Variants in TXNRD1 observed in about 807,000 individuals in gnomAD.
TXNRD1 encodes the protein thioredoxin reductase 1, also known as thioredoxin reductase 1, cytoplasmic.
A neutral mutation model predicts 80.3 loss-of-function variants in TXNRD1; 57 were observed. The ratio of observed to expected loss-of-function variants is 0.71; its 90% CI spans 0.57 to 0.89. The LOEUF is 0.89. Ranked by LOEUF, TXNRD1 falls within the 40% of genes least tolerant of loss-of-function variation. The pLI, the probability that TXNRD1 is intolerant of heterozygous loss-of-function variation, is 0.00. For synonymous variants in TXNRD1, 291 were observed against 285.2 expected (o/e 1.02, Z -0.20); for missense variants, 730 against 803.0 (o/e 0.91, Z 1.10).
At chr12:104,263,666 T>C (rs924163784) in intron 3 of TXNRD1, among the ~76,000 whole-genome samples, 4 of 152,328 alleles carry the variant, frequency 2.6e-5, no homozygotes, top group East Asian at 1.9e-4. Flanking sequence ...GCTGACATTC[T>C]ATAGCTATAA....
intron 9 of TXNRD1, among the ~76,000 whole-genome samples, chr12:104,320,573 C>G (rs1329756335): frequency 6.6e-6 from 1 of 152,082 alleles, no homozygotes; most frequent in Non-Finnish European, 1.5e-5. Flanking sequence ...ATCTCTGTGT[C>G]CCTAGCTCAA....
intron 4 of TXNRD1, among the ~76,000 whole-genome samples, chr12:104,292,241 A>G (rs2034245629): frequency 6.6e-6 from 1 of 152,184 alleles, no homozygotes; most frequent in East Asian, 1.9e-4. Context: ...AAAGGATGAA[A>G]GCTTTGCAGA....
chr12:104,252,660 T>TATATATATATATATATATATATATA (rs1182730147), intron 2 of TXNRD1, among the ~76,000 whole-genome samples: 1 of 53,206 alleles, frequency 1.9e-5, no homozygotes, highest in African/African-American at 1.1e-4. Flanking sequence ...ATTTATTATT[T>TATATATATATATATATATATATATA]TTTATATATA....
At chr12:104,250,209 CAAA>C (rs2033090076) in intron 1 of TXNRD1, among the ~76,000 whole-genome samples, 1 of 151,922 alleles carries the variant, frequency 6.6e-6, no homozygotes, top group African/African-American at 2.4e-5. Context: ...TATCCACATG[CAAA>C]AGAAGAAAGT....
chr12:104,274,802 A>G (rs755332232), intron 3 of TXNRD1, among the ~76,000 whole-genome samples: 1 of 152,134 alleles, frequency 6.6e-6, no homozygotes, highest in Non-Finnish European at 1.5e-5. Flanking sequence ...TTAGTATGTA[A>G]CTCCTTGGCT....
chr12:104,343,145 A>G (rs1380448373), intron 16 of TXNRD1, among the ~76,000 whole-genome samples: 1 of 152,120 alleles, frequency 6.6e-6, no homozygotes, highest in East Asian at 1.9e-4. Context: ...CCTGTTGACT[A>G]ACTTAGTCGT....
intron 1 of TXNRD1, among the ~76,000 whole-genome samples, chr12:104,221,620 C>T (rs1327614869): frequency 6.6e-6 from 1 of 152,174 alleles, no homozygotes; most frequent in African/African-American, 2.4e-5. Context: ...TCCCGGCCAC[C>T]TGTTGGTTTT....
intron 1 of TXNRD1, among the ~76,000 whole-genome samples, chr12:104,228,624 T>G (rs2032531693): frequency 1.3e-5 from 2 of 152,106 alleles, no homozygotes; most frequent in Admixed American, 1.3e-4. Context: ...AGAGTGAAAC[T>G]CTCTCTCAAA....
At chr12:104,332,454 A>G (rs1311369445) in intron 14 of TXNRD1, among the ~76,000 whole-genome samples, 1 of 152,144 alleles carries the variant, frequency 6.6e-6, no homozygotes, top group Non-Finnish European at 1.5e-5. Context: ...TTCTGATTAT[A>G]AGAATAGTAT....
chr12:104,240,009 G>A (rs770669334), intron 1 of TXNRD1, among the ~76,000 whole-genome samples: 5 of 151,986 alleles, frequency 3.3e-5, no homozygotes, highest in Non-Finnish European at 4.4e-5. Context: ...GAAGAATTTT[G>A]CATCTTTGTT....
At chr12:104,335,697 C>T (rs1490620333) in intron 15 of TXNRD1, among the ~76,000 whole-genome samples, 2 of 152,094 alleles carry the variant, frequency 1.3e-5, no homozygotes, top group African/African-American at 2.4e-5. Context: ...ATCTTTTTAA[C>T]TTAGCTAACA....
chr12:104,242,602 A>C (rs986515079), intron 1 of TXNRD1, among the ~76,000 whole-genome samples: 2 of 152,114 alleles, frequency 1.3e-5, no homozygotes, highest in Non-Finnish European at 2.9e-5. Context: ...TATCTTATTA[A>C]CAGCATCAAT....
At chr12:104,336,944 T>G (rs2036159792) in intron 15 of TXNRD1, among the ~76,000 whole-genome samples, 1 of 148,234 alleles carries the variant, frequency 6.7e-6, no homozygotes, top group Non-Finnish European at 1.5e-5. Flanking sequence ...AACTATTATC[T>G]TATGCCTATG....
chr12:104,312,472 T>C (rs12321821), intron 5 of TXNRD1, among the ~76,000 whole-genome samples: 3,013 of 152,332 alleles, frequency 0.02, 108 homozygotes, highest in African/African-American at 0.068. Context: ...CAGACCAGTA[T>C]GTAGCATGAA....
intron 10 of TXNRD1, among the ~76,000 whole-genome samples, chr12:104,323,504 G>A (rs1326773475): frequency 6.9e-6 from 1 of 145,116 alleles, no homozygotes; most frequent in African/African-American, 2.6e-5. Context: ...CTCACCTCCC[G>A]GACGGGGCGG....
chr12:104,240,566 C>A (rs1440700969), intron 1 of TXNRD1, among the ~76,000 whole-genome samples: 2 of 152,008 alleles, frequency 1.3e-5, no homozygotes, highest in African/African-American at 4.8e-5. Context: ...GGCAAGAGAA[C>A]TTTTTAGCTT....
chr12:104,332,192 G>C (rs1412397478), intron 14 of TXNRD1, among the ~76,000 whole-genome samples: 1 of 152,008 alleles, frequency 6.6e-6, no homozygotes, highest in African/African-American at 2.4e-5. Flanking sequence ...TTTTATCATG[G>C]AGTCAAAGAA....
In TXNRD1 at chr12:104,327,572, C is replaced by T. The variant is rs1441887095; in HGVS notation, c.1443C>T (p.Ala481=). The change falls in exon 13 of 17, where the codon GCC becomes GCT. Residue 481 remains alanine (A), a synonymous_variant. Coordinates refer to ENST00000525566, the MANE Select transcript of TXNRD1 (RefSeq NM_001093771.3). ...AGACCAATGTGCCTTACATCTATGC[C>T]ATTGGCGATATATTGGAGGATAAGG... ...EEQTNVPYIY[A]IGDILEDKVE... 1.2e-6 allele frequency: 2 copies of T among 1,613,580 alleles called. No individual in the cohort carries two copies.
At chr12:104,236,560 T>C (rs1431423819) in intron 1 of TXNRD1, among the ~76,000 whole-genome samples, 1 of 152,070 alleles carries the variant, frequency 6.6e-6, no homozygotes, top group East Asian at 1.9e-4. Context: ...GAGGCTGAGA[T>C]GGGAGGATCA....
Sources: allele counts gnomAD v4.1 joint callset (sites outside exome capture counted in the v4.1 genomes callset), GRCh38; gene constraint gnomAD v4.1.1; transcripts MANE v1.5; gene names NCBI Gene and HGNC (gene_info 2026-07-23, HGNC 2026-07-21).